Variants in TMEM45A observed in about 807,000 individuals in gnomAD.
TMEM45A encodes the protein transmembrane protein 45A, also known as DNA polymerase-transactivated protein 4.
TMEM45A carries 25 observed loss-of-function variants against 32.0 expected under a neutral mutation model. The observed-to-expected ratio is 0.78, with a 90% CI of 0.57 to 1.09. TMEM45A has a LOEUF of 1.09. TMEM45A is among the 50% of genes least tolerant of loss of function. The pLI is 0.00. For missense variants in TMEM45A, 302 were observed against 325.0 expected (o/e 0.93, Z 0.54); for synonymous variants, 122 against 114.8 (o/e 1.06, Z -0.40).
intron 1 of TMEM45A, among the ~76,000 whole-genome samples, chr3:100,549,774 T>G (rs530262652): frequency 1.8e-4 from 28 of 152,110 alleles, no homozygotes; most frequent in South Asian, 4.2e-4. Flanking sequence ...TGTGTCCATG[T>G]GATCTCATTG....
intron 1 of TMEM45A, among the ~76,000 whole-genome samples, chr3:100,513,964 A>G (rs1708214216): frequency 6.6e-6 from 1 of 152,140 alleles, no homozygotes; most frequent in Non-Finnish European, 1.5e-5. Flanking sequence ...CCACTGCTCA[A>G]GGAAATAAAA....
intron 1 of TMEM45A, among the ~76,000 whole-genome samples, chr3:100,499,244 G>A (rs1247633084): frequency 6.6e-6 from 1 of 151,998 alleles, no homozygotes; most frequent in African/African-American, 2.4e-5. Flanking sequence ...CACTTTTGGT[G>A]TCATATCTAA....
At chr3:100,505,995 G>A (rs1431553864) in intron 1 of TMEM45A, among the ~76,000 whole-genome samples, 1 of 152,112 alleles carries the variant, frequency 6.6e-6, no homozygotes, top group African/African-American at 2.4e-5. Context: ...GGAGAGAGAG[G>A]ACCCCGATAA....
chr3:100,541,125 T>G (rs1705865155), intron 1 of TMEM45A, among the ~76,000 whole-genome samples: 1 of 152,232 alleles, frequency 6.6e-6, no homozygotes. Context: ...GTATGTCTTC[T>G]TTTGAGAAGT....
chr3:100,564,963 A>G (rs1457493570), intron 4 of TMEM45A, among the ~76,000 whole-genome samples: 2 of 152,190 alleles, frequency 1.3e-5, no homozygotes, highest in Admixed American at 1.3e-4. Flanking sequence ...AGATGTCTCA[A>G]ACTGATCTTG....
intron 5 of TMEM45A, among the ~76,000 whole-genome samples, chr3:100,575,618 C>T (rs565801314): frequency 3.9e-5 from 6 of 152,240 alleles, no homozygotes; most frequent in Admixed American, 1.3e-4. Context: ...GCGATCTGCC[C>T]GCCTTGCCTC....
chr3:100,505,231 C>T (rs1381641199), intron 1 of TMEM45A, among the ~76,000 whole-genome samples: 3 of 152,162 alleles, frequency 2.0e-5, no homozygotes, highest in African/African-American at 4.8e-5. Context: ...ACACCCATCT[C>T]ACCACGTGCT....
intron 1 of TMEM45A, among the ~76,000 whole-genome samples, chr3:100,495,695 C>T (rs1707914614): frequency 6.6e-6 from 1 of 152,112 alleles, no homozygotes; most frequent in Non-Finnish European, 1.5e-5. Flanking sequence ...AACCTCCATC[C>T]AGGTCCTGCA....
At chr3:100,558,659 A>G (rs1706271359) in intron 4 of TMEM45A, 70 bp downstream of exon 4, 2 of 1,530,898 alleles carry the variant, frequency 1.3e-6, no homozygotes, top group Non-Finnish European at 1.8e-6. Flanking sequence ...TTGATGAGGC[A>G]GTTTGCTCCC....
chr3:100,519,938 G>A (rs761598693), intron 1 of TMEM45A, among the ~76,000 whole-genome samples: 41 of 152,092 alleles, frequency 2.7e-4, no homozygotes, highest in Admixed American at 2.6e-4. Flanking sequence ...CAGCTGAAGC[G>A]TTAGGTCTAC....
At chr3:100,569,364 T>G (rs1334482726) in intron 5 of TMEM45A, among the ~76,000 whole-genome samples, 7 of 152,246 alleles carry the variant, frequency 4.6e-5, no homozygotes, top group Non-Finnish European at 2.9e-5. Context: ...AGTCCTTTTT[T>G]GACCAACTTG....
intron 4 of TMEM45A, among the ~76,000 whole-genome samples, chr3:100,566,714 C>T (rs1473577900): frequency 1.3e-5 from 2 of 151,958 alleles, no homozygotes; most frequent in East Asian, 1.9e-4. Flanking sequence ...AATGGTATCT[C>T]ATTGTGGTTT....
In TMEM45A at chr3:100,540,030, T is replaced by C. The variant is rs566728710; in HGVS notation, c.-3-15179T>C. Reference sequence around the variant, plus strand: ...TTCTAAAAGATAACAGAGGAAAATCTAGTTGCTCTTGGGTGTGGAAAAGGG... The same window carrying C: ...TTCTAAAAGATAACAGAGGAAAATCCAGTTGCTCTTGGGTGTGGAAAAGGG... On this transcript the variant is annotated intron_variant, in intron 1 of 5. Transcript: ENST00000323523. Among the ~76,000 whole-genome samples the C allele has an allele frequency of 7.2e-4, 109 of 152,322 alleles. 1 individual carries two copies. The South Asian group carries it at 0.021, about 30-fold the overall frequency.
rs1706710090 is a variant in TMEM45A, at chr3:100,577,223, A to T, written c.*205A>T. The T allele has an allele frequency of 2.2e-6, 1 of 451,492 alleles. No individual in the cohort carries two copies. The highest frequency in any genetic ancestry group is 4.3e-5 in the East Asian group (1 of 23,008). The allele number at this position is 451,492 out of a possible 1,614,324, so 28.0% of individuals were successfully genotyped here. A position where few individuals can be genotyped will look rare whatever the true frequency, so the allele number is the denominator to read the frequency against. ...ATTTTGGGTGATACTTTCATTTTGC[A>T]CATCATGCACATCATGGTATTCAGG... On this transcript the variant is annotated 3_prime_UTR_variant, in exon 6 of 6. Coordinates refer to ENST00000323523, the MANE Select transcript of TMEM45A (RefSeq NM_018004.3).
chr3:100,497,940 T>C (rs1049938403), intron 1 of TMEM45A, among the ~76,000 whole-genome samples: 3 of 152,342 alleles, frequency 2.0e-5, no homozygotes, highest in Admixed American at 1.3e-4. Flanking sequence ...GTTGATGATA[T>C]GGTTTGGCTT....
chr3:100,547,199 G>C (rs751473833), intron 1 of TMEM45A, among the ~76,000 whole-genome samples: 12 of 151,994 alleles, frequency 7.9e-5, no homozygotes, highest in Non-Finnish European at 1.8e-4. Flanking sequence ...TTGGCTCACT[G>C]CAACCTCCGC....
intron 1 of TMEM45A, among the ~76,000 whole-genome samples, chr3:100,545,472 C>T (rs1304677629): frequency 6.6e-6 from 1 of 152,170 alleles, no homozygotes; most frequent in African/African-American, 2.4e-5. Context: ...TCATTATCTC[C>T]TACCCCAGTG....
chr3:100,533,953 T>C (rs1336903521), intron 1 of TMEM45A, among the ~76,000 whole-genome samples: 1 of 152,104 alleles, frequency 6.6e-6, no homozygotes, highest in African/African-American at 2.4e-5. Context: ...GACGCCTGGG[T>C]CCACTCAGAC....
chr3:100,511,807 AG>A (rs1708167866), intron 1 of TMEM45A, among the ~76,000 whole-genome samples: 1 of 152,152 alleles, frequency 6.6e-6, no homozygotes, highest in Admixed American at 6.5e-5. Flanking sequence ...AAACAAAAAA[AG>A]GCAGGGGTTG....
Sources: gnomAD v4.1 joint callset for allele counts (sites outside exome capture counted in the v4.1 genomes callset) on GRCh38, gnomAD v4.1.1 for gene constraint, MANE v1.5 for transcripts, NCBI Gene and HGNC (gene_info 2026-07-23, HGNC 2026-07-21) for gene names.